WWOX: variants seen among roughly 807,000 people sequenced by gnomAD.
WWOX encodes WW domain containing oxidoreductase, also known as WW domain-containing oxidoreductase.
In WWOX, 69 loss-of-function variants were observed where a neutral mutation model predicts 46.2. That is an observed-to-expected ratio of 1.49 (90% CI 1.23 to 1.82). The LOEUF (loss-of-function observed/expected upper bound fraction) is 1.82, where lower values mean the gene tolerates loss of function less well. WWOX is among the 40% of genes most tolerant of loss of function. The probability of loss-of-function intolerance (pLI) is 0.00; values close to 1 mark genes in which losing one functional copy is unlikely to be tolerated. For missense variants in WWOX, 919 were observed against 542.6 expected (o/e 1.69, Z -6.89); for synonymous variants, 359 against 202.6 (o/e 1.77, Z -6.56).
At chr16:78,886,843 A>G (rs1045749529) in intron 8 of WWOX, among the ~76,000 whole-genome samples, 1 of 152,044 alleles carries the variant, frequency 6.6e-6, no homozygotes, top group Non-Finnish European at 1.5e-5. Context: ...CTTCTTGGAA[A>G]GCTTTGTTAG....
chr16:78,656,235 A>G (rs2047078015), intron 8 of WWOX, among the ~76,000 whole-genome samples: 1 of 152,076 alleles, frequency 6.6e-6, no homozygotes, highest in Non-Finnish European at 1.5e-5. Flanking sequence ...CAGTCTCCCC[A>G]TCATCCTTCG....
At chr16:78,221,021 A>G (rs912645381) in intron 5 of WWOX, among the ~76,000 whole-genome samples, 1 of 152,176 alleles carries the variant, frequency 6.6e-6, no homozygotes, top group African/African-American at 2.4e-5. Flanking sequence ...CTCTTATCCA[A>G]ATGTATCATA....
chr16:78,741,740 A>C (rs1301826501), intron 8 of WWOX, among the ~76,000 whole-genome samples: 1 of 152,138 alleles, frequency 6.6e-6, no homozygotes, highest in Non-Finnish European at 1.5e-5. Context: ...CTGTAGTCTC[A>C]GCTACTCAGG....
At chr16:78,439,949 G>A (rs554057733) in intron 8 of WWOX, among the ~76,000 whole-genome samples, 19 of 152,318 alleles carry the variant, frequency 1.2e-4, no homozygotes, top group Admixed American at 2.6e-4. Flanking sequence ...TCAAGAGACA[G>A]AGCATTCTGC....
At chr16:78,953,700 G>A (rs1004890897) in intron 8 of WWOX, among the ~76,000 whole-genome samples, 3 of 152,160 alleles carry the variant, frequency 2.0e-5, no homozygotes, top group African/African-American at 7.2e-5. Context: ...ACAGAAGAGA[G>A]TGCATGCATG....
At chr16:78,886,774 A>T (rs944443321) in intron 8 of WWOX, among the ~76,000 whole-genome samples, 15 of 151,826 alleles carry the variant, frequency 9.9e-5, no homozygotes, top group Non-Finnish European at 2.1e-4. Flanking sequence ...AGGAAAGGCT[A>T]TGAAATTCTG....
At chr16:78,522,032 C>G (rs1321131064) in intron 8 of WWOX, among the ~76,000 whole-genome samples, 2 of 151,590 alleles carry the variant, frequency 1.3e-5, no homozygotes, top group Non-Finnish European at 2.9e-5. Flanking sequence ...CCATGAATCA[C>G]TTTGTAGTAA....
chr16:78,305,418 G>A (rs1052538359), intron 5 of WWOX, among the ~76,000 whole-genome samples: 4 of 152,126 alleles, frequency 2.6e-5, no homozygotes, highest in Admixed American at 1.3e-4. Context: ...CCATTTAGAA[G>A]TGAAATGAAC....
rs368928190 is a variant in WWOX at position 78,425,013 on chromosome 16, C to G, written c.749C>G (p.Ser250Ter). Residue 250 changes from serine to a stop codon, truncating the protein, a stop_gained, in exon 7 of 9, where the codon TCA becomes TGA. Coordinates refer to ENST00000566780, the MANE Select transcript of WWOX (RefSeq NM_016373.4). LOFTEE classifies it high-confidence loss of function. Reference sequence around the variant, plus strand: ...CTCCTCCAGGATGTTTTGTGCCGCTCAGCTCCTGCCCGTGTCATTGTGGTC... The same window carrying G: ...CTCCTCCAGGATGTTTTGTGCCGCTGAGCTCCTGCCCGTGTCATTGTGGTC... ...VQLLQDVLCR[S>*]APARVIVVSS... is the part of the protein sequence containing the mutation. The G allele has an allele frequency of 1.2e-5, 19 of 1,613,954 alleles. No individual in the cohort carries two copies. The highest frequency in any genetic ancestry group is 1.5e-5 in the Non-Finnish European group (18 of 1,180,030).
At chr16:78,482,626 A>G (rs774752667) in intron 8 of WWOX, among the ~76,000 whole-genome samples, 5 of 152,174 alleles carry the variant, frequency 3.3e-5, no homozygotes, top group Non-Finnish European at 5.9e-5. Flanking sequence ...TGACCATTCT[A>G]TGAAGTGGCT....
chr16:78,221,709 T>C (rs1054949227), intron 5 of WWOX, among the ~76,000 whole-genome samples: 1 of 152,222 alleles, frequency 6.6e-6, no homozygotes, highest in Non-Finnish European at 1.5e-5. Context: ...ATGCAAGATG[T>C]AATACACAGA....
intron 5 of WWOX, among the ~76,000 whole-genome samples, chr16:78,252,648 C>T (rs200410905): frequency 1.3e-5 from 2 of 152,140 alleles, no homozygotes; most frequent in Non-Finnish European, 2.9e-5. Flanking sequence ...ATCTTACCAG[C>T]GATTAATTAT....
chr16:78,603,152 A>G (rs573719732), intron 8 of WWOX, among the ~76,000 whole-genome samples: 2 of 152,278 alleles, frequency 1.3e-5, no homozygotes, highest in African/African-American at 4.8e-5. Context: ...GCTCTGTGCT[A>G]TGCTGTTTTA....
At chr16:78,170,904 A>G (rs1470259756) in intron 5 of WWOX, among the ~76,000 whole-genome samples, 5 of 152,366 alleles carry the variant, frequency 3.3e-5, no homozygotes, top group South Asian at 2.1e-4. Flanking sequence ...GAGAGAGCGC[A>G]TGCTCAGTTG....
At chr16:78,898,213 C>G (rs1244138099) in intron 8 of WWOX, 1 of 152,078 alleles carries the variant, frequency 6.6e-6, no homozygotes. Flanking sequence ...AGAACCTTTA[C>G]CAATCACCAG....
intron 8 of WWOX, among the ~76,000 whole-genome samples, chr16:78,979,245 C>G (rs574075084): frequency 1.3e-5 from 2 of 152,210 alleles, no homozygotes; most frequent in South Asian, 4.2e-4. Flanking sequence ...AGAAGTAAAA[C>G]AAGCCATCCC....
Position 79,119,161 on chromosome 16 carries a change from G to A in WWOX, c.1057-92447G>A, listed in dbSNP as rs8062359. Among the ~76,000 whole-genome samples, 5 of 151,298 alleles carry A rather than the reference G, an allele frequency of 3.3e-5. 1 individual carries two copies. The highest frequency in any genetic ancestry group is 1.2e-4 in the African/African-American group (5 of 41,200). On this transcript the variant is annotated intron_variant, in intron 8 of 8. Transcript: ENST00000566780. ...TGATCAGAAGCAGCACTGAAGTCCA[G>A]TTTCGTCTAACCAGTATTGAGTGCT...
chr16:78,663,266 C>T (rs1256516331), intron 8 of WWOX, among the ~76,000 whole-genome samples: 1 of 152,128 alleles, frequency 6.6e-6, no homozygotes, highest in African/African-American at 2.4e-5. Context: ...GGCCAACTGA[C>T]TTCTTTCATT....
intron 8 of WWOX, among the ~76,000 whole-genome samples, chr16:78,786,895 C>T (rs1411317171): frequency 1.3e-5 from 2 of 152,190 alleles, no homozygotes; most frequent in African/African-American, 2.4e-5. Flanking sequence ...CGCCTGTAAT[C>T]CCAACACTTT....
Sources: gnomAD v4.1 joint callset for allele counts (sites outside exome capture counted in the v4.1 genomes callset) on GRCh38, gnomAD v4.1.1 for gene constraint, MANE v1.5 for transcripts, NCBI Gene and HGNC (gene_info 2026-07-23, HGNC 2026-07-21) for gene names.